FNIP1: variants seen among roughly 807,000 people sequenced by gnomAD.
FNIP1 encodes the protein folliculin-interacting protein 1.
Under a neutral mutation model 124.5 loss-of-function variants are expected in FNIP1, and 40 were observed. That is an observed-to-expected ratio of 0.32 (90% CI 0.25 to 0.42). The LOEUF is 0.42. FNIP1 is among the 10% of genes least tolerant of loss of function. FNIP1 has a pLI of 1.00. For synonymous variants in FNIP1, 472 were observed against 470.6 expected (o/e 1.00, Z -0.04); for missense variants, 1,176 against 1,403.7 (o/e 0.84, Z 2.59).
At chr5:131,727,746 T>A (rs1314587106) in intron 3 of FNIP1, among the ~76,000 whole-genome samples, 2 of 152,324 alleles carry the variant, frequency 1.3e-5, no homozygotes, top group East Asian at 3.9e-4. Flanking sequence ...ATTTTGCCTG[T>A]TTGTTCATGC....
intron 10 of FNIP1, among the ~76,000 whole-genome samples, chr5:131,701,061 A>T (rs1246599237): frequency 6.6e-6 from 1 of 152,202 alleles, no homozygotes; most frequent in Non-Finnish European, 1.5e-5. Flanking sequence ...CGAGCAAGCA[A>T]GTGAGCGAGC....
chr5:131,759,698 T>C (rs986853446), intron 1 of FNIP1, among the ~76,000 whole-genome samples: 2 of 152,154 alleles, frequency 1.3e-5, no homozygotes, highest in Non-Finnish European at 2.9e-5. Flanking sequence ...TCTCAAAGAA[T>C]TTAAAACAGC....
intron 15 of FNIP1, among the ~76,000 whole-genome samples, 191 bp downstream of exon 15, chr5:131,670,272 A>C (rs1346316044): frequency 6.6e-6 from 1 of 152,206 alleles, no homozygotes; most frequent in African/African-American, 2.4e-5. Flanking sequence ...ATCCATGTGG[A>C]TAGATTTCTG....
At chr5:131,682,707 A>C (rs1160616894) in intron 11 of FNIP1, among the ~76,000 whole-genome samples, 1 of 148,842 alleles carries the variant, frequency 6.7e-6, no homozygotes, top group Non-Finnish European at 1.5e-5. Flanking sequence ...GTAGAGCAAG[A>C]CTCCGTCTCA....
intron 17 of FNIP1, among the ~76,000 whole-genome samples, chr5:131,646,822 T>TTA (rs1008643017): frequency 1.3e-5 from 2 of 152,222 alleles, no homozygotes; most frequent in Non-Finnish European, 2.9e-5. Context: ...GAGTATGTAC[T>TTA]TATGTTTCTG....
chr5:131,773,267 T>G (rs1296566064), intron 1 of FNIP1, among the ~76,000 whole-genome samples: 1 of 152,202 alleles, frequency 6.6e-6, no homozygotes, highest in East Asian at 1.9e-4. Context: ...TGTGAGATTA[T>G]AAAAATGTAA....
At chr5:131,720,948 T>C (rs1769636576) in intron 3 of FNIP1, among the ~76,000 whole-genome samples, 1 of 152,174 alleles carries the variant, frequency 6.6e-6, no homozygotes, top group Non-Finnish European at 1.5e-5. Flanking sequence ...AAAATAGAAC[T>C]ACCATGTGAT....
chr5:131,772,894 A>G (rs1771688163), intron 1 of FNIP1, among the ~76,000 whole-genome samples: 1 of 152,128 alleles, frequency 6.6e-6, no homozygotes, highest in African/African-American at 2.4e-5. Context: ...TAACTTCCTA[A>G]AACACAAAGC....
At chr5:131,737,463 C>G (rs867206013) in intron 2 of FNIP1, among the ~76,000 whole-genome samples, 2 of 152,138 alleles carry the variant, frequency 1.3e-5, no homozygotes, top group Admixed American at 6.5e-5. Flanking sequence ...GTTACCTCAG[C>G]CTGGAATGTC....
Position 131,671,802 on chromosome 5 carries a change from T to A in FNIP1, c.2642A>T (p.Asn881Ile). 6.2e-7 allele frequency: 1 copy of A among 1,614,072 alleles called. No homozygotes were observed. Among genetic ancestry groups the A allele is most frequent in the Non-Finnish European group, 8.5e-7 (1 of 1,180,010 alleles). ...KILCTKNNKQNNEFCKCIETV... is the reference protein window; with the variant it reads ...KILCTKNNKQINEFCKCIETV... ...TTCTATACATTTACAAAATTCATTG[T>A]TCTGCTTGTTATTTTTTGTACACAA... Residue 881 changes from asparagine to isoleucine, a missense_variant, in exon 14 of 18, where the codon AAC becomes ATC. Asn to Ile is a moderately radical substitution (Grantham distance 149). This residue lies in a region of FNIP1 where 1,109 missense variants were observed against 1,288.5 expected (regional missense o/e 0.86). Transcript: ENST00000510461.
intron 1 of FNIP1, among the ~76,000 whole-genome samples, chr5:131,782,490 G>A (rs997139162): frequency 3.3e-5 from 5 of 152,086 alleles, no homozygotes; most frequent in African/African-American, 4.8e-5. Flanking sequence ...GCTTGAGCCC[G>A]CGAGGCAGAG....
intron 1 of FNIP1, 35 bp from the exon 2 acceptor site, chr5:131,744,725 T>C: frequency 6.4e-7 from 1 of 1,557,750 alleles, no homozygotes; most frequent in Non-Finnish European, 8.7e-7. Context: ...AAAGATCCAT[T>C]AGAGTTACAT....
At position 131,735,350 on chromosome 5, in the gene FNIP1, C is replaced by A. The variant is rs560779875; in HGVS notation, c.220-4312G>T. On this transcript the variant is annotated intron_variant, in intron 2 of 17. Coordinates refer to ENST00000510461, the MANE Select transcript of FNIP1 (RefSeq NM_133372.3). ...GGGAGGAACAGCATTAGGAGATATACCTCATGTAAATGACGAGTTAATGGG... is the reference window on the plus strand; with the variant it reads ...GGGAGGAACAGCATTAGGAGATATAACTCATGTAAATGACGAGTTAATGGG... Among the ~76,000 whole-genome samples the A allele has an allele frequency of 3.3e-5, 5 of 152,004 alleles. No individual in the cohort carries two copies. In the East Asian group the frequency reaches 9.7e-4, roughly 29 times the overall value.
chr5:131,796,691 G>T, intron 1 of FNIP1, 139 bp downstream of exon 1: 1 of 749,236 alleles, frequency 1.3e-6, no homozygotes, highest in South Asian at 1.9e-5. Context: ...CCCGCAGCCG[G>T]CTCCACCCCA....
chr5:131,729,490 A>C (rs1770002377), intron 3 of FNIP1, among the ~76,000 whole-genome samples: 1 of 152,174 alleles, frequency 6.6e-6, no homozygotes, highest in Non-Finnish European at 1.5e-5. Context: ...ACTCAGTTGG[A>C]AATGCAGAAA....
chr5:131,670,361 T>C lies in FNIP1; in HGVS notation c.3108+102A>G, dbSNP rs1011894951. On this transcript the variant is annotated intron_variant, in intron 15 of 17. Transcript: ENST00000510461. ...AAATGATGGATTCAGAGAACAATGA[T>C]TGTGTTGTAAAAAGTATGACCAAAA... The C allele has an allele frequency of 1.3e-5, 12 of 924,826 alleles. No individual in the cohort carries two copies. In the South Asian group the frequency reaches 2.2e-4, roughly 17 times the overall value. 57.3% of individuals were successfully genotyped at this position (924,826 alleles called of 1,614,324 possible).
chr5:131,724,052 T>C (rs995742675), intron 3 of FNIP1, among the ~76,000 whole-genome samples: 4 of 152,252 alleles, frequency 2.6e-5, no homozygotes, highest in African/African-American at 4.8e-5. Flanking sequence ...TCCTTTTTTA[T>C]GGCTGCACAG....
intron 14 of FNIP1, among the ~76,000 whole-genome samples, chr5:131,670,848 C>G (rs1016052123): frequency 1.3e-5 from 2 of 152,036 alleles, no homozygotes; most frequent in Non-Finnish European, 2.9e-5. Flanking sequence ...TATTTAAAAA[C>G]TGGCTCAAGT....
intron 1 of FNIP1, among the ~76,000 whole-genome samples, chr5:131,768,480 TA>T (rs1359468899): frequency 7.8e-5 from 10 of 127,896 alleles, no homozygotes; most frequent in African/African-American, 3.0e-4. Context: ...TTTTTTTTTT[TA>T]AAAAGGGGGG....
Sources: gnomAD v4.1 joint callset for allele counts (sites outside exome capture counted in the v4.1 genomes callset) on GRCh38, gnomAD v4.1.1 for gene constraint, gnomAD v4.1.1 regional missense constraint, MANE v1.5 for transcripts, NCBI Gene and HGNC (gene_info 2026-07-23, HGNC 2026-07-21) for gene names.